The following TTYH3 variants were observed in gnomAD, a reference collection of about 807,000 sequenced individuals.
The protein encoded by TTYH3 is protein tweety homolog 3.
A neutral mutation model predicts 68.2 loss-of-function variants in TTYH3; 23 were observed. That is an observed-to-expected ratio of 0.34 (90% CI 0.24 to 0.48). The LOEUF is 0.48. Ranked by LOEUF, TTYH3 falls within the 20% of genes least tolerant of loss-of-function variation. The pLI is 0.99. For missense variants in TTYH3, 768 were observed against 727.7 expected, an observed-to-expected ratio of 1.06 and a Z score of -0.64; for synonymous variants, 360 against 332.8, an observed-to-expected ratio of 1.08 and a Z score of -0.89.
intron 13 of TTYH3, 148 bp downstream of exon 13, chr7:2,659,163 C>T (rs1263261522): frequency 6.2e-6 from 5 of 801,598 alleles, no homozygotes; most frequent in Non-Finnish European, 1.0e-5. Flanking sequence ...CCCAGGTGAC[C>T]CTTCCCAGCT....
chr7:2,636,745 G>A (rs780561783), intron 1 of TTYH3, among the ~76,000 whole-genome samples: 7 of 152,180 alleles, frequency 4.6e-5, no homozygotes, highest in Non-Finnish European at 1.0e-4. Flanking sequence ...GGGAGACTCC[G>A]ATTGGCTGAG....
chr7:2,643,850 C>T (rs1419253381), intron 1 of TTYH3, among the ~76,000 whole-genome samples: 2 of 152,110 alleles, frequency 1.3e-5, no homozygotes, highest in Non-Finnish European at 2.9e-5. Context: ...CTGGGATTGA[C>T]CTGCTCTTCC....
At chr7:2,653,053 CTT>C in intron 9 of TTYH3, 43 bp downstream of exon 9, 2 of 1,513,764 alleles carry the variant, frequency 1.3e-6, no homozygotes, top group East Asian at 2.4e-5. Flanking sequence ...CAGGGCTCCT[CTT>C]TTCTCAGCAT....
In TTYH3 at chr7:2,661,943, G is replaced by A. The variant is rs1786509967; in HGVS notation, c.*204G>A. 4 of 626,068 alleles carry A rather than the reference G, an allele frequency of 6.4e-6. No individual in the cohort carries two copies. The highest frequency in any genetic ancestry group is 1.1e-5 in the Non-Finnish European group (4 of 354,294). The allele number at this position is 626,068 out of a possible 1,614,324, so 38.8% of individuals were successfully genotyped here. On this transcript the variant is annotated 3_prime_UTR_variant, in exon 14 of 14. Coordinates refer to ENST00000258796, the MANE Select transcript of TTYH3 (RefSeq NM_025250.3). ...GCTCTGGGCCCGTACCGCCAACTCG[G>A]GTCACACCTGAACGCTGCTGCCAGC...
rs1205162197 is a variant in TTYH3, at chr7:2,656,541, G to A, written c.1250+7G>A. On this transcript the variant is annotated splice_region_variant and intron_variant, in intron 11 of 13. Transcript: ENST00000258796. Reference sequence around the variant, plus strand: ...ACACCTGGCAGCAAAAGAGGTGAGGGGCCCTGGGGGGTCGCAGGAGCTTGC... The same window carrying A: ...ACACCTGGCAGCAAAAGAGGTGAGGAGCCCTGGGGGGTCGCAGGAGCTTGC... The A allele has an allele frequency of 3.1e-6, 5 of 1,597,232 alleles. No individual in the cohort carries two copies. Among genetic ancestry groups the A allele is most frequent in the Non-Finnish European group, 4.3e-6 (5 of 1,174,626 alleles).
chr7:2,652,596 C>T lies in TTYH3; in HGVS notation c.928-322C>T, dbSNP rs115112055. Among the ~76,000 whole-genome samples the T allele has an allele frequency of 5.0e-3, 764 of 152,290 alleles. 6 individuals carry two copies. The highest frequency in any genetic ancestry group is 0.017 in the African/African-American group (721 of 41,556). ...GGTGGGGGAGTTTGAAGAGGTCGGC[C>T]GCACCAGCTGGTCAAGCCCTGTACA... On this transcript the variant is annotated intron_variant, in intron 8 of 13. Transcript: ENST00000258796.
intron 1 of TTYH3, among the ~76,000 whole-genome samples, chr7:2,646,083 C>T (rs1011942262): frequency 3.9e-5 from 6 of 151,928 alleles, no homozygotes; most frequent in African/African-American, 7.3e-5. Flanking sequence ...GGTGCAATCT[C>T]GGCTCACTGC....
chr7:2,649,973 T>A lies in TTYH3; in HGVS notation c.856T>A (p.Ser286Thr), dbSNP rs1275498621. Residue 286 changes from serine (S) to threonine (T), a missense_variant, in exon 7 of 14, where the codon TCG (serine) becomes ACG (threonine). Physicochemically the swap from Ser to Thr is moderately conservative, Grantham distance 58. Coordinates refer to ENST00000258796, the MANE Select transcript of TTYH3 (RefSeq NM_025250.3). The stretch of plus-strand genomic sequence containing the variant: ...CGTGACCAAAATGGTGGAGGAGTAC[T>A]CGGTGCTGAGTGGGGGTGAGTCTGT... ...AYVTKMVEEY[S>T]VLSGDILQYY... 2 of 1,613,852 alleles carry A rather than the reference T, an allele frequency of 1.2e-6. No homozygotes were observed. Among genetic ancestry groups the A allele is most frequent in the African/African-American group, 2.7e-5 (2 of 74,902 alleles).
intron 5 of TTYH3, among the ~76,000 whole-genome samples, 187 bp from the exon 6 acceptor site, chr7:2,649,380 G>C (rs1375861741): frequency 6.6e-6 from 1 of 152,144 alleles, no homozygotes; most frequent in African/African-American, 2.4e-5. Flanking sequence ...CCCCACCTAG[G>C]AGAGGGATCC....
At chr7:2,635,487 G>A (rs922156342) in intron 1 of TTYH3, among the ~76,000 whole-genome samples, 1 of 152,202 alleles carries the variant, frequency 6.6e-6, no homozygotes, top group Non-Finnish European at 1.5e-5. Flanking sequence ...CTCTCGGGCT[G>A]TCTCCTCCAG....
At chr7:2,652,705 C>T (rs1453466564) in intron 8 of TTYH3, 17 of 580,436 alleles carry the variant, frequency 2.9e-5, no homozygotes, top group South Asian at 1.5e-4. Context: ...GGTGTGGGTG[C>T]GTGGTTGGCT....
rs367915249 is a variant in TTYH3 at position 2,644,443 on chromosome 7, C to T, written c.124-2410C>T. ...CCCTGCCAAGTGACTGGACTGTCTCCGCCTCCCTGTGTGATCTTGGGTAAG... is the reference window on the plus strand; with the variant it reads ...CCCTGCCAAGTGACTGGACTGTCTCTGCCTCCCTGTGTGATCTTGGGTAAG... On this transcript the variant is annotated intron_variant, in intron 1 of 13. Coordinates refer to ENST00000258796, the MANE Select transcript of TTYH3 (RefSeq NM_025250.3). Among the ~76,000 whole-genome samples the T allele has an allele frequency of 1.3e-3, 205 of 152,334 alleles. 1 individual carries two copies. The highest frequency in any genetic ancestry group is 4.7e-3 in the African/African-American group (194 of 41,562).
At chr7:2,642,803 C>T (rs1180530111) in intron 1 of TTYH3, among the ~76,000 whole-genome samples, 1 of 145,960 alleles carries the variant, frequency 6.9e-6, no homozygotes, top group Non-Finnish European at 1.5e-5. Context: ...TGGCTCACGT[C>T]TGTAATCCCA....
intron 1 of TTYH3, among the ~76,000 whole-genome samples, chr7:2,634,885 G>T (rs1785617118): frequency 6.6e-6 from 1 of 152,168 alleles, no homozygotes; most frequent in African/African-American, 2.4e-5. Context: ...AGGAGCCGGG[G>T]TCAGCCTGGA....
chr7:2,633,568 T>TAG (rs1785582656), intron 1 of TTYH3, among the ~76,000 whole-genome samples: 3 of 152,232 alleles, frequency 2.0e-5, no homozygotes, highest in African/African-American at 7.2e-5. Context: ...GCCTGCGTTC[T>TAG]AGAAGCCCAG....
intron 11 of TTYH3, among the ~76,000 whole-genome samples, chr7:2,657,731 C>T (rs909834827): frequency 3.9e-5 from 6 of 152,246 alleles, no homozygotes; most frequent in South Asian, 2.1e-4. Flanking sequence ...GGCCCCTGCG[C>T]AGCCAAAAGC....
chr7:2,652,328 T>G, intron 8 of TTYH3, 86 bp downstream of exon 8: 46 of 1,165,140 alleles, frequency 3.9e-5, no homozygotes, highest in Non-Finnish European at 5.1e-5. Context: ...GCCTGGCGCC[T>G]GGCTCCTCAG....
rs1166601416 is a variant in TTYH3, at chr7:2,632,015, A to AGCCGG, written c.-127_-123dup. On this transcript the variant is annotated 5_prime_UTR_variant, in exon 1 of 14. Coordinates refer to ENST00000258796, the MANE Select transcript of TTYH3 (RefSeq NM_025250.3). ...AGCCGAGCGCAGCCGAGCCGGGCCG[A>AGCCGG]GCCGGGCCGGGCCGGGCCCAGGAGC... 2.7e-4 allele frequency: 179 copies of AGCCGG among 671,598 alleles called. 1 individual carries two copies. Among genetic ancestry groups the AGCCGG allele is most frequent in the African/African-American group, 2.1e-3 (106 of 49,992 alleles). The allele number at this position is 671,598 out of a possible 1,614,324, so 41.6% of individuals were successfully genotyped here.
At chr7:2,659,649 C>A (rs921395183) in intron 13 of TTYH3, among the ~76,000 whole-genome samples, 1 of 152,158 alleles carries the variant, frequency 6.6e-6, no homozygotes, top group African/African-American at 2.4e-5. Flanking sequence ...GGGGAGGGGG[C>A]GGCCGGGCTA....
Sources: gnomAD v4.1 joint callset for allele counts (sites outside exome capture counted in the v4.1 genomes callset) on GRCh38, gnomAD v4.1.1 for gene constraint, MANE v1.5 for transcripts, NCBI Gene and HGNC (gene_info 2026-07-23, HGNC 2026-07-21) for gene names.